SYT16: variants seen among roughly 807,000 people sequenced by gnomAD.
SYT16 encodes the protein synaptotagmin-16.
SYT16 carries 42 observed loss-of-function variants against 61.4 expected under a neutral mutation model. The observed-to-expected ratio is 0.68, with a 90% CI of 0.53 to 0.89. The LOEUF is 0.89. SYT16 is among the 40% of genes least tolerant of loss of function. The pLI, the probability that SYT16 is intolerant of heterozygous loss-of-function variation, is 0.00. For missense variants in SYT16, 804 were observed against 807.3 expected (o/e 1.00, Z 0.05); for synonymous variants, 314 against 302.3 (o/e 1.04, Z -0.40).
At chr14:61,887,137 A>G (rs1007683637) in intron 1 of SYT16, among the ~76,000 whole-genome samples, 2 of 152,158 alleles carry the variant, frequency 1.3e-5, no homozygotes, top group African/African-American at 2.4e-5. Flanking sequence ...CATGTAAATA[A>G]CGTTGATCTC....
intron 7 of SYT16, 99 bp downstream of exon 7, chr14:62,084,484 G>A: frequency 1.5e-6 from 2 of 1,335,212 alleles, no homozygotes; most frequent in Non-Finnish European, 2.0e-6. Context: ...CCATAAAAAT[G>A]ATCTTATTAT....
chr14:62,022,642 A>G (rs2053956377), intron 3 of SYT16, among the ~76,000 whole-genome samples: 1 of 152,066 alleles, frequency 6.6e-6, no homozygotes, highest in Non-Finnish European at 1.5e-5. Flanking sequence ...ACACACAGAC[A>G]TATGTATATA....
intron 1 of SYT16, among the ~76,000 whole-genome samples, chr14:61,938,627 T>G (rs998442927): frequency 2.0e-5 from 3 of 152,136 alleles, no homozygotes; most frequent in African/African-American, 7.2e-5. Flanking sequence ...GCAAAAGGAT[T>G]TAAGGGGTAT....
chr14:61,979,181 A>C (rs1409546673), intron 2 of SYT16, among the ~76,000 whole-genome samples: 2 of 152,192 alleles, frequency 1.3e-5, no homozygotes, highest in African/African-American at 2.4e-5. Context: ...TAGTAGCCTG[A>C]TATAGGGATG....
chr14:61,969,869 G>A (rs1209522732), intron 1 of SYT16, among the ~76,000 whole-genome samples: 1 of 152,114 alleles, frequency 6.6e-6, no homozygotes, highest in East Asian at 1.9e-4. Flanking sequence ...TTGTACTCCA[G>A]GTAGAAGAAA....
chr14:62,011,870 T>TACACACACACACACACACAC (rs1351640578), intron 3 of SYT16, among the ~76,000 whole-genome samples: 4 of 124,036 alleles, frequency 3.2e-5, no homozygotes, highest in African/African-American at 1.2e-4. Flanking sequence ...GGGAACACTA[T>TACACACACACACACACACAC]ATATACACAC....
chr14:61,845,314 T>A (rs1401030618), intron 1 of SYT16, among the ~76,000 whole-genome samples: 1 of 152,208 alleles, frequency 6.6e-6, no homozygotes, highest in Non-Finnish European at 1.5e-5. Flanking sequence ...CCCAAAGTGC[T>A]GGGATTACAG....
intron 1 of SYT16, among the ~76,000 whole-genome samples, chr14:61,910,535 T>G (rs1271008): frequency 0.36 from 18,450 of 51,958 alleles, 2,382 homozygotes; most frequent in African/African-American, 0.53. Context: ...GTTTTGTTTT[T>G]TTTTTTTTTT....
At chr14:61,870,938 C>T (rs1034307090) in intron 1 of SYT16, among the ~76,000 whole-genome samples, 5 of 152,166 alleles carry the variant, frequency 3.3e-5, no homozygotes, top group African/African-American at 7.2e-5. Context: ...CCCACTCCCA[C>T]TCCCCATTTT....
intron 1 of SYT16, among the ~76,000 whole-genome samples, chr14:61,922,342 C>T (rs987530020): frequency 1.3e-5 from 2 of 152,206 alleles, no homozygotes; most frequent in African/African-American, 4.8e-5. Flanking sequence ...TCATGGAATA[C>T]TACGCAGCCA....
chr14:61,908,365 C>T (rs997801666), intron 1 of SYT16, among the ~76,000 whole-genome samples: 22 of 152,164 alleles, frequency 1.4e-4, no homozygotes, highest in African/African-American at 3.4e-4. Context: ...CTCAGACTTT[C>T]CTAGACCTAT....
chr14:62,062,020 G>A (rs917894849), intron 3 of SYT16, among the ~76,000 whole-genome samples: 2 of 152,100 alleles, frequency 1.3e-5, no homozygotes, highest in Admixed American at 6.6e-5. Context: ...TATCAGAACC[G>A]GAATTTTCAA....
At chr14:61,818,721 T>G (rs1017893246) in intron 1 of SYT16, among the ~76,000 whole-genome samples, 11 of 151,926 alleles carry the variant, frequency 7.2e-5, no homozygotes, top group African/African-American at 1.9e-4. Flanking sequence ...ATTAATGTTA[T>G]AGAATAGCAG....
intron 1 of SYT16, among the ~76,000 whole-genome samples, chr14:61,836,470 A>G (rs1328696499): frequency 1.3e-5 from 2 of 152,222 alleles, no homozygotes; most frequent in East Asian, 1.9e-4. Context: ...TTGGTAACAT[A>G]AACAGTCTAA....
intron 1 of SYT16, among the ~76,000 whole-genome samples, chr14:61,837,087 G>T (rs2046153278): frequency 6.6e-6 from 1 of 152,096 alleles, no homozygotes; most frequent in South Asian, 2.1e-4. Context: ...CTTTCTTCCT[G>T]TTTGAAGACA....
In SYT16 at chr14:61,835,203, C is replaced by A. The variant is rs557591561; in HGVS notation, c.-325+22393C>A. ...GTGGAGTAATGTGTATAAGGACCTG[C>A]CTTTTCAATAAATAGTACACTGTAA... is the stretch of plus-strand genomic sequence containing the variant. On this transcript the variant is annotated intron_variant, in intron 1 of 7. Transcript: ENST00000683842. Among the ~76,000 whole-genome samples, 1,413 of 151,132 alleles carry A rather than the reference C, an allele frequency of 9.3e-3. 28 individuals carry two copies. Among genetic ancestry groups the A allele is most frequent in the African/African-American group, 0.032 (1,323 of 41,140 alleles).
In SYT16 at chr14:62,103,442, A is replaced by G. The variant is rs538370287; in HGVS notation, c.*2735A>G. ...AGCATGCTTTTAAAATAATATCGTT[A>G]AGAGTAAATGATGCGCTGGGTTTAT... On this transcript the variant is annotated 3_prime_UTR_variant, in exon 8 of 8. Coordinates refer to ENST00000683842, the MANE Select transcript of SYT16 (RefSeq NM_001367656.1). 3 of 152,200 alleles carry G rather than the reference A, an allele frequency of 2.0e-5. No individual in the cohort carries two copies. Among genetic ancestry groups the G allele is most frequent in the Non-Finnish European group, 4.4e-5 (3 of 68,028 alleles). 9.4% of individuals were successfully genotyped at this position (152,200 alleles called of 1,614,324 possible). A position where few individuals can be genotyped will look rare whatever the true frequency, so the allele number is the denominator to read the frequency against.
chr14:62,007,850 C>G (rs12890331), intron 3 of SYT16, among the ~76,000 whole-genome samples: 2,637 of 151,682 alleles, frequency 0.017, 34 homozygotes, highest in Non-Finnish European at 0.028. Flanking sequence ...AGCTTAAATC[C>G]CATTTTAACA....
intron 1 of SYT16, among the ~76,000 whole-genome samples, chr14:61,868,199 C>T (rs2047221174): frequency 6.6e-6 from 1 of 151,852 alleles, no homozygotes; most frequent in African/African-American, 2.4e-5. Context: ...GATGTTCTTT[C>T]TCTCTTTTCT....
Sources: gnomAD v4.1 joint callset for allele counts (sites outside exome capture counted in the v4.1 genomes callset) on GRCh38, gnomAD v4.1.1 for gene constraint, MANE v1.5 for transcripts, NCBI Gene and HGNC (gene_info 2026-07-23, HGNC 2026-07-21) for gene names.